The following POLRMT variants were observed in gnomAD, a reference collection of about 807,000 sequenced individuals.
POLRMT encodes the protein RNA polymerase mitochondrial, also known as DNA-directed RNA polymerase, mitochondrial.
A neutral mutation model predicts 132.2 loss-of-function variants in POLRMT; 114 were observed. That is an observed-to-expected ratio of 0.86 (90% CI 0.74 to 1.01). POLRMT has a LOEUF of 1.01. Among genes scored for constraint, POLRMT ranks in the 50% least tolerant of loss-of-function variants. The pLI is 0.00. For missense variants in POLRMT, 2,003 were observed against 1,729.1 expected, an observed-to-expected ratio of 1.16 and a Z score of -2.81; for synonymous variants, 1,020 against 773.4, an observed-to-expected ratio of 1.32 and a Z score of -5.29.
At chr19:624,601 G>A (rs1984882009) in intron 5 of POLRMT, 118 bp downstream of exon 5, 1 of 1,172,064 alleles carries the variant, frequency 8.5e-7, no homozygotes, top group African/African-American at 1.6e-5. Context: ...AGGAATTCAG[G>A]GCCCAGCCCA....
rs1240339840 is a variant in POLRMT, at chr19:633,327, G to A, written c.88+98C>T. ...GTCGGTGGGCTGCGCACGCCCAGGT[G>A]CAAAGAGGCAAAGGTCAAAGCGCCA... On this transcript the variant is annotated intron_variant, in intron 1 of 20. Transcript: ENST00000588649. The A allele has an allele frequency of 3.0e-6, 4 of 1,333,152 alleles. No homozygotes were observed. The East Asian group carries it at 1.2e-4, about 41-fold the overall frequency. 82.6% of individuals were successfully genotyped at this position (1,333,152 alleles called of 1,614,324 possible).
chr19:630,223 C>G (rs780253767), intron 2 of POLRMT, 55 bp from the exon 3 acceptor site: 1 of 1,523,404 alleles, frequency 6.6e-7, no homozygotes, highest in Non-Finnish European at 8.8e-7. Flanking sequence ...ATTCGAGCAC[C>G]CGTCTCTCTG....
rs752343270 is a variant in POLRMT, at chr19:629,730, G to A, written c.632C>T (p.Ser211Leu). 1.9e-5 allele frequency: 30 copies of A among 1,583,226 alleles called. No homozygotes were observed. The highest frequency in any genetic ancestry group is 2.3e-4 in the Middle Eastern group (1 of 4,390). ...KLSLDVEQAP[S>L]GQHSQAQLSG... ...GAGCTGGGCCTGCGAGTGCTGCCCC[G>A]ACGGGGCCTGCTCCACATCGAGGCT... The change falls in exon 3 of 21, where the codon TCG (serine) becomes TTG (leucine). Residue 211 changes from serine (S) to leucine (L), a missense_variant. Coordinates refer to ENST00000588649, the MANE Select transcript of POLRMT (RefSeq NM_005035.4).
At chr19:617,391 A>C in intron 20 of POLRMT, 28 bp downstream of exon 20, 2 of 1,612,104 alleles carry the variant, frequency 1.2e-6, no homozygotes, top group Non-Finnish European at 1.7e-6. Flanking sequence ...AGTTCGAGCC[A>C]CCCTTGCGAG....
chr19:631,937 G>A lies in POLRMT; in HGVS notation c.193+897C>T, dbSNP rs146290479. On this transcript the variant is annotated intron_variant, in intron 2 of 20. Coordinates refer to ENST00000588649, the MANE Select transcript of POLRMT (RefSeq NM_005035.4). The stretch of plus-strand genomic sequence containing the variant: ...CTGCAGGCGTTCACCACCATGCCCA[G>A]CTAATTTTTGTATTTTTAGTAGAGA... 7.1e-3 allele frequency among the ~76,000 whole-genome samples: 1,082 copies of A among 152,246 alleles called. 5 individuals are homozygous for A. Among genetic ancestry groups the A allele is most frequent in the Admixed American group, 0.014 (209 of 15,282 alleles).
intron 12 of POLRMT, 42 bp downstream of exon 12, chr19:619,916 C>A (rs1466227317): frequency 3.1e-6 from 5 of 1,598,002 alleles, no homozygotes; most frequent in Non-Finnish European, 3.4e-6. Context: ...GCTCACATTG[C>A]CCCCACGCCG....
chr19:621,721 G>A lies in POLRMT; in HGVS notation c.1977C>T (p.His659=), dbSNP rs767913155. 6.3e-7 allele frequency: 1 copy of A among 1,596,858 alleles called. No homozygotes were observed. Among genetic ancestry groups the A allele is most frequent in the African/African-American group, 1.3e-5 (1 of 74,958 alleles). ...LCPPLPWTSP[H]SGAFLLSPTK... ...TGGGGCTGAGCAGGAAAGCACCAGA[G>A]TGCGGCGATGTCCAGGGCAGCGGGG... Residue 659 remains histidine (H), a synonymous_variant, in exon 10 of 21, where the codon CAC becomes CAT. Transcript: ENST00000588649.
chr19:624,927 C>G (rs374815957), intron 4 of POLRMT, 22 bp from the exon 5 acceptor site: 112 of 1,590,260 alleles, frequency 7.0e-5, no homozygotes, highest in Non-Finnish European at 8.8e-5. Flanking sequence ...GCGGCCTGCT[C>G]GAGGGACGGG....
rs766877795 is a variant in POLRMT, at chr19:621,784, C to T, written c.1914G>A (p.Thr638=). Residue 638 remains threonine, a synonymous_variant, in exon 10 of 21, where the codon ACG becomes ACA. Coordinates refer to ENST00000588649, the MANE Select transcript of POLRMT (RefSeq NM_005035.4). ...VQLLEKAAEP[T]LTFEAVDVPM... ...GTACATCCACCGCCTCGAAGGTCAG[C>T]GTGGGCTCCGCGGCCTTCTCCAGCA... The T allele has an allele frequency of 1.3e-5, 21 of 1,602,086 alleles. No homozygotes were observed. The highest frequency in any genetic ancestry group is 1.6e-4 in the Middle Eastern group (1 of 6,066).
intron 3 of POLRMT, among the ~76,000 whole-genome samples, chr19:629,042 G>A (rs1200228806): frequency 6.6e-6 from 1 of 152,096 alleles, no homozygotes; most frequent in South Asian, 2.1e-4. Flanking sequence ...AACGGCAAGG[G>A]AAATTGGAAA....
rs759832873 is a variant in POLRMT, at chr19:621,829, C to T, written c.1869G>A (p.Pro623=). 3 of 1,602,116 alleles carry T rather than the reference C, an allele frequency of 1.9e-6. No homozygotes were observed. The highest frequency in any genetic ancestry group is 2.5e-6 in the Non-Finnish European group (3 of 1,179,808). The change falls in exon 10 of 21, where the codon CCG becomes CCA. Residue 623 remains proline (P), a synonymous_variant. Transcript: ENST00000588649. ...RNVQQIGILK[P]HPAYVQLLEK... is the part of the protein sequence containing the mutation. ...CCAGCAGCTGCACGTAGGCCGGGTG[C>T]GGCTTCAGGATGCCGATCTGGGGTG...
intron 15 of POLRMT, 88 bp from the exon 16 acceptor site, chr19:618,848 C>G: frequency 6.8e-7 from 1 of 1,466,328 alleles, no homozygotes; most frequent in Non-Finnish European, 9.3e-7. Context: ...GGTAGTGGCA[C>G]GCTAGGATGG....
At chr19:623,089 A>C in intron 6 of POLRMT, 104 bp from the exon 7 acceptor site, 1 of 1,359,054 alleles carries the variant, frequency 7.4e-7, no homozygotes, top group Non-Finnish European at 9.9e-7. Flanking sequence ...CATGGCCCTC[A>C]AGGTCCCTGC....
Position 623,587 on chromosome 19 carries a change from T to C in POLRMT, c.1157A>G (p.Tyr386Cys). The C allele has an allele frequency of 1.2e-6, 2 of 1,613,298 alleles. No homozygotes were observed. Among genetic ancestry groups the C allele is most frequent in the Non-Finnish European group, 8.5e-7 (1 of 1,179,894 alleles). The change falls in exon 6 of 21, where the codon TAC becomes TGC. Residue 386 changes from tyrosine (Y) to cysteine (C), a missense_variant. Tyr to Cys is a radical substitution (Grantham distance 194). Coordinates refer to ENST00000588649, the MANE Select transcript of POLRMT (RefSeq NM_005035.4). ...CTTCAAGGGCAGGTGCAGCTTCGGG[T>C]AGGACACACGCCCATCCTGCAGGGA... ...DVYAKDGRVS[Y>C]PKLHLPLKTL... is the part of the protein sequence containing the mutation.
chr19:618,096 C>T, intron 17 of POLRMT: 1 of 576,154 alleles, frequency 1.7e-6, no homozygotes, highest in Non-Finnish European at 3.1e-6. Flanking sequence ...GCTGTGGGAG[C>T]CTCAGCTCCG....
chr19:620,538 C>T, intron 10 of POLRMT, 51 bp from the exon 11 acceptor site: 2 of 1,480,976 alleles, frequency 1.4e-6, no homozygotes, highest in Non-Finnish European at 1.8e-6. Context: ...GATCCCTGAG[C>T]CCGCTGGGAG....
intron 1 of POLRMT, 31 bp downstream of exon 1, chr19:633,394 C>A: frequency 6.7e-7 from 1 of 1,486,166 alleles, no homozygotes; most frequent in Non-Finnish European, 9.0e-7. Context: ...CCGTGGCCCC[C>A]GGGCTGCCTG....
At position 624,809 on chromosome 19, in the gene POLRMT, G is replaced by C. The variant is rs766911519; in HGVS notation, c.1050C>G (p.Ala350=). The C allele has an allele frequency of 6.2e-7, 1 of 1,613,464 alleles. No individual in the cohort carries two copies. The highest frequency in any genetic ancestry group is 1.7e-5 in the Admixed American group (1 of 60,026). The part of the protein sequence containing the change: ...SEEDRATVLK[A]VHKVKPTFSL... ...TGAAGGTGGGCTTCACCTTGTGCACGGCCTTCAGAACAGTGGCCCGATCCT... is the reference window on the plus strand; with the variant it reads ...TGAAGGTGGGCTTCACCTTGTGCACCGCCTTCAGAACAGTGGCCCGATCCT... The change falls in exon 5 of 21, where the codon GCC becomes GCG. Residue 350 remains alanine (A), a synonymous_variant. Coordinates refer to ENST00000588649, the MANE Select transcript of POLRMT (RefSeq NM_005035.4).
intron 1 of POLRMT, 77 bp downstream of exon 1, chr19:633,348 C>T: frequency 7.3e-7 from 1 of 1,377,032 alleles, no homozygotes; most frequent in Admixed American, 3.2e-5. Context: ...AAGGTCAAAG[C>T]GCCAAAGGCC....
Sources: gnomAD v4.1 joint callset for allele counts (sites outside exome capture counted in the v4.1 genomes callset) on GRCh38, gnomAD v4.1.1 for gene constraint, MANE v1.5 for transcripts, NCBI Gene and HGNC (gene_info 2026-07-23, HGNC 2026-07-21) for gene names.